Variants in NDUFV2 observed in about 807,000 individuals in gnomAD.
The protein encoded by NDUFV2 is NADH dehydrogenase [ubiquinone] flavoprotein 2, mitochondrial.
In NDUFV2, 18 loss-of-function variants were observed where a neutral mutation model predicts 31.6. The ratio of observed to expected loss-of-function variants is 0.57; its 90% CI spans 0.39 to 0.84. The LOEUF (loss-of-function observed/expected upper bound fraction) is 0.84, where lower values mean the gene tolerates loss of function less well. Ranked by LOEUF, NDUFV2 falls within the 40% of genes least tolerant of loss-of-function variation. The pLI is 0.00. For synonymous variants in NDUFV2, 83 were observed against 99.8 expected, an observed-to-expected ratio of 0.83 and a Z score of 1.01; for missense variants, 314 against 303.6, an observed-to-expected ratio of 1.03 and a Z score of -0.26.
intron 7 of NDUFV2, among the ~76,000 whole-genome samples, chr18:9,127,721 TTCAGAC>T (rs1180263668): frequency 1.3e-5 from 2 of 152,096 alleles, no homozygotes; most frequent in African/African-American, 4.8e-5. Context: ...ATCTGCCCGC[TTCAGAC>T]TCCCAAAGTG....
At chr18:9,107,445 A>G (rs1433833832) in intron 1 of NDUFV2, among the ~76,000 whole-genome samples, 1 of 152,234 alleles carries the variant, frequency 6.6e-6, no homozygotes, top group Non-Finnish European at 1.5e-5. Context: ...GTTATAAATC[A>G]GTTGTAGGAA....
rs551518578 is a variant in NDUFV2 at position 9,134,140 on chromosome 18, T to G, written c.657-46T>G. On this transcript the variant is annotated intron_variant, in intron 7 of 7. Transcript: ENST00000318388. ...TAACCATTACAATTTAAGTAAAAAT[T>G]TACAAATGTTAATCATTAATAGTTT... 7.5e-6 allele frequency: 11 copies of G among 1,469,834 alleles called. No individual in the cohort carries two copies. The Admixed American group carries it at 1.7e-4, about 22-fold the overall frequency. The allele number at this position is 1,469,834 out of a possible 1,614,324, so 91.0% of individuals were successfully genotyped here.
intron 4 of NDUFV2, among the ~76,000 whole-genome samples, chr18:9,120,141 T>C (rs921385463): frequency 1.3e-5 from 2 of 152,148 alleles, no homozygotes; most frequent in Non-Finnish European, 2.9e-5. Flanking sequence ...TCCTAATAGT[T>C]TTGAGCAGTA....
At chr18:9,122,150 T>C (rs1424927831) in intron 4 of NDUFV2, among the ~76,000 whole-genome samples, 2 of 152,182 alleles carry the variant, frequency 1.3e-5, no homozygotes, top group African/African-American at 4.8e-5. Flanking sequence ...TTTTTTGCCA[T>C]TTAGACAGAT....
At chr18:9,103,054 T>C (rs1598339322) in intron 1 of NDUFV2, 2 of 441,650 alleles carry the variant, frequency 4.5e-6, no homozygotes, top group East Asian at 3.5e-5. Flanking sequence ...TGGTGATATA[T>C]ATATATATGT....
intron 1 of NDUFV2, among the ~76,000 whole-genome samples, chr18:9,112,107 C>A (rs778273462): frequency 5.3e-5 from 8 of 151,552 alleles, no homozygotes; most frequent in Non-Finnish European, 1.0e-4. Context: ...CAACCTCCAC[C>A]TCCTGGGTTC....
chr18:9,103,341 G>A, intron 1 of NDUFV2: 1 of 390,736 alleles, frequency 2.6e-6, no homozygotes, highest in Non-Finnish European at 4.5e-6. Context: ...AACTAACTCT[G>A]AAAGAACGGC....
intron 5 of NDUFV2, 149 bp downstream of exon 5, chr18:9,122,830 T>G: frequency 1.3e-6 from 1 of 785,866 alleles, no homozygotes; most frequent in Non-Finnish European, 2.1e-6. Context: ...TTTCCACATC[T>G]TTATTTCTTC....
At chr18:9,105,093 A>T in intron 1 of NDUFV2, 2 of 1,178,578 alleles carry the variant, frequency 1.7e-6, no homozygotes, top group Non-Finnish European at 2.2e-6. Flanking sequence ...CATTGTGAGG[A>T]TGTTCTATTA....
At chr18:9,127,762 G>A (rs1253276785) in intron 7 of NDUFV2, among the ~76,000 whole-genome samples, 1 of 152,224 alleles carries the variant, frequency 6.6e-6, no homozygotes, top group African/African-American at 2.4e-5. Flanking sequence ...ATGAGCCACT[G>A]TGCCCGGCCT....
At chr18:9,126,938 G>A (rs1288429086) in intron 7 of NDUFV2, 31 bp downstream of exon 7, 2 of 1,521,322 alleles carry the variant, frequency 1.3e-6, no homozygotes, top group African/African-American at 1.4e-5. Context: ...GGAAGTTTTA[G>A]TGGCTCACCT....
At chr18:9,126,738 C>G in intron 6 of NDUFV2, 93 bp from the exon 7 acceptor site, 1 of 1,152,794 alleles carries the variant, frequency 8.7e-7, no homozygotes, top group South Asian at 1.3e-5. Flanking sequence ...AGTTGGAGAC[C>G]AGCCTGGGCA....
intron 1 of NDUFV2, chr18:9,103,149 G>A (rs2077823634): frequency 2.5e-6 from 1 of 401,286 alleles, no homozygotes; most frequent in African/African-American, 2.1e-5. Flanking sequence ...CTCCGAAGGA[G>A]GCACCTCTCG....
intron 7 of NDUFV2, among the ~76,000 whole-genome samples, chr18:9,133,776 T>C (rs777094688): frequency 6.7e-4 from 102 of 152,326 alleles, no homozygotes; most frequent in Non-Finnish European, 1.3e-3. Flanking sequence ...TTTTTAAAAA[T>C]GTTCTCTGGG....
At chr18:9,119,829 T>C (rs1281428505) in intron 4 of NDUFV2, among the ~76,000 whole-genome samples, 1 of 152,000 alleles carries the variant, frequency 6.6e-6, no homozygotes, top group East Asian at 1.9e-4. Flanking sequence ...GGTATGTGTT[T>C]TTTTTTTTCC....
At chr18:9,114,419 T>G (rs950792479) in intron 1 of NDUFV2, among the ~76,000 whole-genome samples, 14 of 151,252 alleles carry the variant, frequency 9.3e-5, no homozygotes, top group African/African-American at 3.2e-4. Flanking sequence ...AAAATAGGTG[T>G]AGTTTTAAAA....
At chr18:9,103,175 C>T (rs922794351) in intron 1 of NDUFV2, 15 of 400,450 alleles carry the variant, frequency 3.7e-5, no homozygotes, top group African/African-American at 1.6e-4. Context: ...AGCCTAGTGA[C>T]CTCGATGCTT....
chr18:9,113,512 C>G (rs1201598582), intron 1 of NDUFV2, among the ~76,000 whole-genome samples: 1 of 152,120 alleles, frequency 6.6e-6, no homozygotes, highest in East Asian at 1.9e-4. Flanking sequence ...TGTCAGTTCC[C>G]TTTGACATTC....
intron 1 of NDUFV2, among the ~76,000 whole-genome samples, chr18:9,106,599 G>A (rs1283468381): frequency 2.0e-5 from 3 of 152,112 alleles, no homozygotes; most frequent in Admixed American, 2.0e-4. Context: ...TGACTCAAAG[G>A]ACTCTAAAGA....
Sources: gnomAD v4.1 joint callset for allele counts (sites outside exome capture counted in the v4.1 genomes callset) on GRCh38, gnomAD v4.1.1 for gene constraint, MANE v1.5 for transcripts, NCBI Gene and HGNC (gene_info 2026-07-23, HGNC 2026-07-21) for gene names.